Variants in PDE6C observed in about 807,000 individuals in gnomAD.
PDE6C encodes phosphodiesterase 6C, also known as cone cGMP-specific 3',5'-cyclic phosphodiesterase subunit alpha'.
A neutral mutation model predicts 113.1 loss-of-function variants in PDE6C; 75 were observed. The ratio of observed to expected loss-of-function variants is 0.66; its 90% CI spans 0.55 to 0.80. The LOEUF is 0.80. Ranked by LOEUF, PDE6C falls within the 30% of genes least tolerant of loss-of-function variation. The probability of loss-of-function intolerance (pLI) is 0.00; values close to 1 mark genes in which losing one functional copy is unlikely to be tolerated. For synonymous variants in PDE6C, 375 were observed against 363.7 expected (o/e 1.03, Z -0.35); for missense variants, 912 against 1,038.6 (o/e 0.88, Z 1.67).
chr10:93,658,468 A>G (rs538371253), intron 16 of PDE6C, among the ~76,000 whole-genome samples: 1 of 151,734 alleles, frequency 6.6e-6, no homozygotes, highest in African/African-American at 2.4e-5. Flanking sequence ...TCTCATATGT[A>G]ATTTTGTATT....
In PDE6C at chr10:93,647,293, T is replaced by A. The variant is rs140999743; in HGVS notation, c.1935+1246T>A. Among the ~76,000 whole-genome samples, 20 of 152,236 alleles carry A rather than the reference T, an allele frequency of 1.3e-4. No homozygotes were observed. The East Asian group carries it at 3.9e-3, about 29-fold the overall frequency. On this transcript the variant is annotated intron_variant, in intron 15 of 21. Transcript: ENST00000371447. Reference sequence around the variant, plus strand: ...TACATGAGCCCTCTGGAGAGTGGGCTTTTCTCACTTTCAATAATAATCTTT... The same window carrying A: ...TACATGAGCCCTCTGGAGAGTGGGCATTTCTCACTTTCAATAATAATCTTT...
In PDE6C at chr10:93,636,368, TTGTGTGTGTGTG is replaced by T. The variant is rs56143950; in HGVS notation, c.1414-599_1414-588del. On this transcript the variant is annotated intron_variant, in intron 10 of 21. Coordinates refer to ENST00000371447, the MANE Select transcript of PDE6C (RefSeq NM_006204.4). Reference sequence around the variant, plus strand: ...CTCTATTTCTTTTATTTCCCTGGCTTTGTGTGTGTGTGTGTGTGTGTGTGTGTGTGTGTGTGT... The same window carrying T: ...CTCTATTTCTTTTATTTCCCTGGCTTTGTGTGTGTGTGTGTGTGTGTGTGT... Among the ~76,000 whole-genome samples the T allele has an allele frequency of 2.5e-3, 352 of 141,358 alleles. 3 individuals carry two copies. The highest frequency in any genetic ancestry group is 0.011 in the Middle Eastern group (3 of 280). 92.7% of individuals were successfully genotyped at this position (141,358 alleles called of 152,430 possible). A position where few individuals can be genotyped will look rare whatever the true frequency, so the allele number is the denominator to read the frequency against.
chr10:93,624,645 T>C (rs892646829), intron 4 of PDE6C, among the ~76,000 whole-genome samples: 1 of 152,236 alleles, frequency 6.6e-6, no homozygotes, highest in African/African-American at 2.4e-5. Context: ...GTTCTGATCT[T>C]GGTTCTGGGA....
intron 1 of PDE6C, among the ~76,000 whole-genome samples, chr10:93,617,092 G>T (rs1335097229): frequency 6.6e-6 from 1 of 152,074 alleles, no homozygotes; most frequent in Non-Finnish European, 1.5e-5. Context: ...GATCTCAGGG[G>T]TTAAGGGTGT....
chr10:93,663,326 T>C lies in PDE6C; in HGVS notation c.2518+148T>C, dbSNP rs1589707441. ...ATCATTTTAACAGGCCGATTAGTGG[T>C]TTTCAGGTCCCCCTGGCCCTGCCAC... On this transcript the variant is annotated intron_variant, in intron 21 of 21. Transcript: ENST00000371447. 3 of 786,408 alleles carry C rather than the reference T, an allele frequency of 3.8e-6. No homozygotes were observed. In the East Asian group the frequency reaches 8.1e-5, roughly 21 times the overall value. 48.7% of individuals were successfully genotyped at this position (786,408 alleles called of 1,614,324 possible).
Position 93,633,516 on chromosome 10 carries a change from C to T in PDE6C, c.1120-1242C>T, listed in dbSNP as rs1287962496. Among the ~76,000 whole-genome samples, 3 of 147,452 alleles carry T rather than the reference C, an allele frequency of 2.0e-5. No individual in the cohort carries two copies. The South Asian group carries it at 6.7e-4, about 33-fold the overall frequency. ...TAAACAAGCTAAAACAAATCTGTTA[C>T]ACATGGTCCTTGGACCACACTTTGA... On this transcript the variant is annotated intron_variant, in intron 8 of 21. Transcript: ENST00000371447.
intron 7 of PDE6C, among the ~76,000 whole-genome samples, chr10:93,628,919 C>T (rs1266087651): frequency 3.3e-5 from 5 of 152,182 alleles, no homozygotes. Context: ...CTCTGCTGCT[C>T]ATACTGGCTG....
chr10:93,649,436 C>T (rs2422326), intron 15 of PDE6C, among the ~76,000 whole-genome samples: 59,819 of 151,990 alleles, frequency 0.39, 13,516 homozygotes, highest in Non-Finnish European at 0.5. Context: ...ATCCAGAAAC[C>T]GATATTTCAT....
At chr10:93,630,941 G>T (rs1307483235) in intron 8 of PDE6C, among the ~76,000 whole-genome samples, 2 of 152,216 alleles carry the variant, frequency 1.3e-5, no homozygotes, top group Non-Finnish European at 2.9e-5. Flanking sequence ...ATGGCACGTG[G>T]ATGTCAGAAT....
chr10:93,662,460 CAAAAAAAA>C (rs11364728), intron 19 of PDE6C, 92 bp from the exon 20 acceptor site: 69 of 320,740 alleles, frequency 2.2e-4, no homozygotes, highest in Admixed American at 3.6e-4. Context: ...GACTCTGCCT[CAAAAAAAA>C]AAAAAAAAAA....
chr10:93,624,875 C>T (rs1402559507), intron 4 of PDE6C, among the ~76,000 whole-genome samples: 1 of 152,194 alleles, frequency 6.6e-6, no homozygotes. Context: ...GGTGAGGCCT[C>T]CTCTTATGGT....
intron 14 of PDE6C, among the ~76,000 whole-genome samples, chr10:93,642,593 G>A (rs1317230147): frequency 6.6e-6 from 1 of 152,094 alleles, no homozygotes; most frequent in African/African-American, 2.4e-5. Flanking sequence ...GGGCTTTGGA[G>A]TCTTGGGTTT....
intron 15 of PDE6C, among the ~76,000 whole-genome samples, chr10:93,654,878 G>C (rs1354880732): frequency 6.8e-6 from 1 of 147,486 alleles, no homozygotes; most frequent in African/African-American, 2.5e-5. Flanking sequence ...CACAGTCTCA[G>C]TTCACTGCAA....
At chr10:93,636,364 G>GTGTGTGT (rs1170041012) in intron 10 of PDE6C, among the ~76,000 whole-genome samples, 17 of 111,680 alleles carry the variant, frequency 1.5e-4, no homozygotes, top group Non-Finnish European at 5.8e-5. Flanking sequence ...TTATTTCCCT[G>GTGTGTGT]GCTTTGTGTG....
At chr10:93,641,959 G>T (rs1220194038) in intron 14 of PDE6C, among the ~76,000 whole-genome samples, 1 of 152,152 alleles carries the variant, frequency 6.6e-6, no homozygotes, top group African/African-American at 2.4e-5. Flanking sequence ...TTCCTCATCT[G>T]GGAAGTAAGA....
chr10:93,663,143 A>G lies in PDE6C; in HGVS notation c.2483A>G (p.Glu828Gly). 1 of 1,613,780 alleles carries G rather than the reference A, an allele frequency of 6.2e-7. No individual in the cohort carries two copies. ...GATGCAAAGATGAAGGTCATTGAAG[A>G]GGAGGCAAAAAAGCAAGAAGGAGGA... is the stretch of plus-strand genomic sequence containing the variant. ...EYDAKMKVIEEEAKKQEGGAE... is the reference protein window; with the variant it reads ...EYDAKMKVIEGEAKKQEGGAE... The change falls in exon 21 of 22, where the codon GAG (glutamate) becomes GGG (glycine). Residue 828 changes from glutamate (E) to glycine (G), a missense_variant. Transcript: ENST00000371447.
At chr10:93,655,885 G>C in intron 16 of PDE6C, 25 bp downstream of exon 16, 1 of 1,113,604 alleles carries the variant, frequency 9.0e-7, no homozygotes, top group South Asian at 1.2e-5. Flanking sequence ...CTGCACAGTG[G>C]AATGCCCTAT....
intron 8 of PDE6C, among the ~76,000 whole-genome samples, chr10:93,631,272 C>T (rs1261460840): frequency 2.0e-5 from 3 of 152,198 alleles, no homozygotes; most frequent in Non-Finnish European, 4.4e-5. Flanking sequence ...CTCAGATCTC[C>T]ACCTGTGGGA....
Position 93,612,576 on chromosome 10 carries a change from T to A in PDE6C, c.-150T>A, listed in dbSNP as rs2058396343. ...GTTACAGGCAGTTTGAAAGCTCTGC[T>A]TTCTGCTTGACCTTTGGAAGTCCTA... On this transcript the variant is annotated 5_prime_UTR_variant, in exon 1 of 22. Coordinates refer to ENST00000371447, the MANE Select transcript of PDE6C (RefSeq NM_006204.4). 9.5e-7 allele frequency: 1 copy of A among 1,052,178 alleles called. No individual in the cohort carries two copies. The allele number at this position is 1,052,178 out of a possible 1,614,324, so 65.2% of individuals were successfully genotyped here.
Sources: gnomAD v4.1 joint callset for allele counts (sites outside exome capture counted in the v4.1 genomes callset) on GRCh38, gnomAD v4.1.1 for gene constraint, MANE v1.5 for transcripts, NCBI Gene and HGNC (gene_info 2026-07-23, HGNC 2026-07-21) for gene names.